The following TTYH2 variants were observed in gnomAD, a reference collection of about 807,000 sequenced individuals.
TTYH2 encodes tweety family member 2, also known as protein tweety homolog 2.
Under a neutral mutation model 68.3 loss-of-function variants are expected in TTYH2, and 49 were observed. The ratio of observed to expected loss-of-function variants is 0.72; its 90% CI spans 0.57 to 0.91. The LOEUF is 0.91. TTYH2 is among the 40% of genes least tolerant of loss of function. The probability of loss-of-function intolerance (pLI) is 0.00; values close to 1 mark genes in which losing one functional copy is unlikely to be tolerated. For synonymous variants in TTYH2, 272 were observed against 300.8 expected (o/e 0.90, Z 0.99); for missense variants, 631 against 700.4 (o/e 0.90, Z 1.12).
intron 2 of TTYH2, 98 bp from the exon 3 acceptor site, chr17:74,230,790 A>T: frequency 8.2e-7 from 1 of 1,222,256 alleles, no homozygotes; most frequent in Non-Finnish European, 1.1e-6. Flanking sequence ...GATTACAGGC[A>T]TGAGCCACCG....
chr17:74,229,707 G>A (rs1172575168), intron 2 of TTYH2, among the ~76,000 whole-genome samples: 1 of 152,184 alleles, frequency 6.6e-6, no homozygotes. Context: ...TTTTCAAGCT[G>A]GAATAAGTCA....
In TTYH2 at chr17:74,246,731, G is replaced by C. The variant is rs1329137950; in HGVS notation, c.805-2280G>C. Among the ~76,000 whole-genome samples the C allele has an allele frequency of 6.6e-5, 10 of 152,268 alleles. No individual in the cohort carries two copies. The East Asian group carries it at 1.5e-3, about 24-fold the overall frequency. On this transcript the variant is annotated intron_variant, in intron 6 of 13. Coordinates refer to ENST00000269346, the MANE Select transcript of TTYH2 (RefSeq NM_032646.6). Reference sequence around the variant, plus strand: ...CTGATAAAGACATACCCAAGACTGGGCAATTTACAAAAGAAAGAGGTTTGA... The same window carrying C: ...CTGATAAAGACATACCCAAGACTGGCCAATTTACAAAAGAAAGAGGTTTGA...
intron 6 of TTYH2, among the ~76,000 whole-genome samples, chr17:74,245,121 G>C (rs2050543654): frequency 6.6e-6 from 1 of 152,188 alleles, no homozygotes; most frequent in Non-Finnish European, 1.5e-5. Context: ...TCTGGGCGTG[G>C]ACACAATGCC....
At chr17:74,227,983 CTTTTTTT>C (rs35080135) in intron 2 of TTYH2, among the ~76,000 whole-genome samples, 1 of 112,558 alleles carries the variant, frequency 8.9e-6, no homozygotes, top group African/African-American at 4.6e-5. Flanking sequence ...TCTTTTCTTT[CTTTTTTT>C]TTTTTTTTTT....
chr17:74,235,895 CAAAA>C (rs538914752), intron 3 of TTYH2, among the ~76,000 whole-genome samples: 1 of 55,096 alleles, frequency 1.8e-5, no homozygotes. Flanking sequence ...GACTCCATCT[CAAAA>C]AAAAAAAAAA....
intron 6 of TTYH2, among the ~76,000 whole-genome samples, chr17:74,244,544 C>T (rs1165692040): frequency 2.6e-5 from 4 of 152,008 alleles, no homozygotes; most frequent in Non-Finnish European, 4.4e-5. Flanking sequence ...AGGACTCCCG[C>T]GGTCTGAAGC....
chr17:74,221,733 C>T (rs1242933062), intron 1 of TTYH2, among the ~76,000 whole-genome samples: 11 of 152,216 alleles, frequency 7.2e-5, no homozygotes, highest in Admixed American at 5.9e-4. Flanking sequence ...CAGGCCCCTC[C>T]GGCCCCCTCA....
At chr17:74,257,944 A>G (rs1294645353) in intron 13 of TTYH2, among the ~76,000 whole-genome samples, 1 of 152,142 alleles carries the variant, frequency 6.6e-6, no homozygotes, top group Non-Finnish European at 1.5e-5. Context: ...ACTTGAGGCC[A>G]GGAGCTCGAG....
chr17:74,214,842 G>T lies in TTYH2; in HGVS notation c.129+1126G>T, dbSNP rs549001016. ...TATGGGACAGATCAGGGCAAAGCAG[G>T]GCCTCTTGGAGGGAATCCTGATCCA... is the stretch of plus-strand genomic sequence containing the variant. On this transcript the variant is annotated intron_variant, in intron 1 of 13. Transcript: ENST00000269346. The surrounding 1 kb of genome is among the most constrained non-coding windows in gnomAD (Gnocchi z 4.6). 2.0e-5 allele frequency among the ~76,000 whole-genome samples: 3 copies of T among 152,294 alleles called. No individual in the cohort carries two copies. In the South Asian group the frequency reaches 6.2e-4, roughly 32 times the overall value.
chr17:74,250,455 C>T (rs2143773816), intron 10 of TTYH2, 98 bp downstream of exon 10: 1 of 1,005,920 alleles, frequency 9.9e-7, no homozygotes, highest in East Asian at 2.6e-5. Context: ...GAGCGATGGC[C>T]TGGGTCCCCT....
chr17:74,243,914 T>TGGGGGGGG, intron 5 of TTYH2, 63 bp from the exon 6 acceptor site: 3 of 1,203,922 alleles, frequency 2.5e-6, no homozygotes, highest in Non-Finnish European at 3.3e-6. Context: ...GCAGGGTGGG[T>TGGGGGGGG]GGGGTGATGG....
chr17:74,245,892 C>T, intron 6 of TTYH2, among the ~76,000 whole-genome samples: 1 of 152,030 alleles, frequency 6.6e-6, no homozygotes, highest in Middle Eastern at 3.2e-3. Flanking sequence ...CCTTCCCCAC[C>T]CCCGACCCCT....
intron 3 of TTYH2, among the ~76,000 whole-genome samples, chr17:74,234,079 C>A (rs993799776): frequency 6.6e-6 from 1 of 152,212 alleles, no homozygotes. Flanking sequence ...CAGAAGTTTT[C>A]ATACTTGAGC....
intron 2 of TTYH2, among the ~76,000 whole-genome samples, chr17:74,226,318 C>A (rs182727991): frequency 1.3e-5 from 2 of 152,096 alleles, no homozygotes; most frequent in African/African-American, 4.8e-5. Flanking sequence ...ACAGCTAGGA[C>A]GCAAAAGGTG....
chr17:74,252,377 G>A lies in TTYH2; in HGVS notation c.1259+1G>A, dbSNP rs745373658. 6 of 1,613,176 alleles carry A rather than the reference G, an allele frequency of 3.7e-6. No homozygotes were observed. On this transcript the variant is annotated splice_donor_variant, in intron 11 of 13. Transcript: ENST00000269346. LOFTEE classifies it high-confidence loss of function. Reference sequence around the variant, plus strand: ...GGGCCTGGAAGCACTTCACCACCAGGTGGGCTGCCTAGTAAGGAGGGGAGC... The same window carrying A: ...GGGCCTGGAAGCACTTCACCACCAGATGGGCTGCCTAGTAAGGAGGGGAGC...
At chr17:74,230,772 G>T (rs1456000584) in intron 2 of TTYH2, 116 bp from the exon 3 acceptor site, 2 of 988,304 alleles carry the variant, frequency 2.0e-6, no homozygotes, top group Non-Finnish European at 2.9e-6. Context: ...AACCTCCTGA[G>T]TAGCTGGGAT....
At chr17:74,259,944 G>A (rs1348128662) in intron 13 of TTYH2, among the ~76,000 whole-genome samples, 185 bp from the exon 14 acceptor site, 3 of 152,142 alleles carry the variant, frequency 2.0e-5, no homozygotes, top group Non-Finnish European at 2.9e-5. Flanking sequence ...GAGGACAGCT[G>A]GTCTGTGTGT....
chr17:74,257,334 C>T (rs56339415), intron 13 of TTYH2, among the ~76,000 whole-genome samples: 265 of 152,290 alleles, frequency 1.7e-3, no homozygotes, highest in Non-Finnish European at 2.8e-3. Flanking sequence ...GCCCAGCCTG[C>T]CCTGGGAAGA....
rs1033684860 is a variant in TTYH2 at position 74,248,862 on chromosome 17, G to A, written c.805-149G>A. On this transcript the variant is annotated intron_variant, in intron 6 of 13. Transcript: ENST00000269346. ...CAGAGCTAGGAAGGGGCAGAGCCAG[G>A]TTTGAACCCAGGAGGCTGGCTCCAG... The A allele has an allele frequency of 4.7e-6, 7 of 1,487,604 alleles. No individual in the cohort carries two copies. In the Middle Eastern group the frequency reaches 6.6e-4, roughly 140 times the overall value. The allele number at this position is 1,487,604 out of a possible 1,614,324, so 92.2% of individuals were successfully genotyped here. A position where few individuals can be genotyped will look rare whatever the true frequency, so the allele number is the denominator to read the frequency against.
Sources: allele counts gnomAD v4.1 joint callset (sites outside exome capture counted in the v4.1 genomes callset), GRCh38; gene constraint gnomAD v4.1.1; non-coding constraint Gnocchi (gnomAD v3.1); transcripts MANE v1.5; gene names NCBI Gene and HGNC (gene_info 2026-07-23, HGNC 2026-07-21).